Variants in PLS3 observed in about 807,000 individuals in gnomAD.
PLS3 encodes the protein plastin 3.
Under a neutral mutation model 46.5 loss-of-function variants are expected in PLS3, and 11 were observed. That is an observed-to-expected ratio of 0.24 (90% CI 0.15 to 0.39). PLS3 has a LOEUF of 0.39. Ranked by LOEUF, PLS3 falls within the 10% of genes least tolerant of loss-of-function variation. The pLI is 1.00. For missense variants in PLS3, 308 were observed against 461.8 expected (o/e 0.67, Z 3.05); for synonymous variants, 167 against 162.2 (o/e 1.03, Z -0.22).
chrX:115,644,599 A>AAAATAAATAAATAAAT (rs57763072), intron 10 of PLS3, among the ~76,000 whole-genome samples: 6 of 99,325 alleles, frequency 6.0e-5, no homozygotes, highest in African/African-American at 1.8e-4. Flanking sequence ...CTCCATCTCA[A>AAAATAAATAAATAAAT]AAATAAATAA....
At chrX:115,601,812 G>A (rs2074447317) in intron 1 of PLS3, among the ~76,000 whole-genome samples, 1 of 111,375 alleles carries the variant, frequency 9.0e-6, no homozygotes, top group Admixed American at 9.6e-5. Flanking sequence ...AGAGGAAAGT[G>A]GGAAAGTTGA....
At chrX:115,605,851 A>G (rs1209697467) in intron 1 of PLS3, among the ~76,000 whole-genome samples, 1 of 111,691 alleles carries the variant, frequency 9.0e-6, no homozygotes, top group Non-Finnish European at 1.9e-5. Context: ...TTTTTCTTCT[A>G]AAAAAATGGA....
chrX:115,645,933 C>T (rs1239907309), intron 11 of PLS3, 139 bp from the exon 12 acceptor site: 1 of 461,942 alleles, frequency 2.2e-6, no homozygotes, highest in Non-Finnish European at 3.8e-6. Context: ...GTTTTCAGCA[C>T]AGATTGATAG....
At chrX:115,620,714 T>C (rs1470499082) in intron 2 of PLS3, among the ~76,000 whole-genome samples, 3 of 86,295 alleles carry the variant, frequency 3.5e-5, no homozygotes, top group Non-Finnish European at 6.9e-5. Flanking sequence ...TTCTTTTTTT[T>C]TTTTTTTTTT....
chrX:115,646,360 A>G, intron 12 of PLS3, 42 bp from the exon 13 acceptor site: 1 of 1,186,263 alleles, frequency 8.4e-7, no homozygotes, highest in Non-Finnish European at 1.1e-6. Flanking sequence ...TGCAGATTAA[A>G]CAAATGGAAG....
At chrX:115,566,978 A>C (rs1603214682) in intron 1 of PLS3, among the ~76,000 whole-genome samples, 1 of 112,606 alleles carries the variant, frequency 8.9e-6, no homozygotes, top group Non-Finnish European at 1.9e-5. Flanking sequence ...CGCCCAGCCC[A>C]TGTGATACTT....
chrX:115,570,280 ACT>A (rs782560624), intron 1 of PLS3, among the ~76,000 whole-genome samples: 2 of 109,205 alleles, frequency 1.8e-5, no homozygotes, highest in Non-Finnish European at 3.8e-5. Context: ...AGGTTTCTTA[ACT>A]CTCTGAACCT....
At chrX:115,625,288 G>A (rs1349850786) in intron 3 of PLS3, among the ~76,000 whole-genome samples, 1 of 110,926 alleles carries the variant, frequency 9.0e-6, no homozygotes, top group Non-Finnish European at 1.9e-5. Flanking sequence ...AACAGTTTAT[G>A]TTAATTTCAG....
In PLS3 at chrX:115,649,606, T is replaced by A; in HGVS notation, c.*45T>A. 8.7e-7 allele frequency: 1 copy of A among 1,146,440 alleles called. No homozygotes were observed. Among genetic ancestry groups the A allele is most frequent in the Non-Finnish European group, 1.2e-6 (1 of 847,396 alleles). 94.5% of individuals were successfully genotyped at this position (1,146,440 alleles called of 1,213,427 possible). A position where few individuals can be genotyped will look rare whatever the true frequency, so the allele number is the denominator to read the frequency against. ...ACAGCCATGCTCCCAGGTGCATGAT[T>A]CGCAGGTCAGCTATTTCCAGGTGAA... On this transcript the variant is annotated 3_prime_UTR_variant, in exon 16 of 16. Transcript: ENST00000355899.
chrX:115,617,101 A>G (rs1471731950), intron 2 of PLS3, among the ~76,000 whole-genome samples: 2 of 111,891 alleles, frequency 1.8e-5, no homozygotes, highest in African/African-American at 6.5e-5. Context: ...TCATTTCTGT[A>G]TCTTTGGTAT....
chrX:115,637,544 A>C (rs17095495), intron 8 of PLS3, among the ~76,000 whole-genome samples: 1,926 of 111,886 alleles, frequency 0.017, 44 homozygotes, highest in African/African-American at 0.059. Flanking sequence ...CTTGCATTGA[A>C]TTGAATTTTT....
intron 1 of PLS3, among the ~76,000 whole-genome samples, chrX:115,580,334 T>C (rs1294627467): frequency 1.8e-5 from 2 of 112,636 alleles, no homozygotes; most frequent in Non-Finnish European, 1.9e-5. Flanking sequence ...TGTTTTACAT[T>C]TAGGTCTGTG....
At chrX:115,614,507 T>C (rs1187879636) in intron 2 of PLS3, 2 of 752,447 alleles carry the variant, frequency 2.7e-6, no homozygotes, top group South Asian at 6.8e-5. Context: ...CTGCCTCTTA[T>C]ATTTGCTGCA....
chrX:115,630,256 T>C (rs1556639092), intron 5 of PLS3, among the ~76,000 whole-genome samples: 3 of 111,219 alleles, frequency 2.7e-5, no homozygotes, highest in African/African-American at 9.8e-5. Flanking sequence ...TGTCTCTTTA[T>C]TCTAAAGTAC....
intron 1 of PLS3, among the ~76,000 whole-genome samples, chrX:115,599,938 C>T (rs2074427102): frequency 9.0e-6 from 1 of 110,881 alleles, no homozygotes; most frequent in African/African-American, 3.3e-5. Context: ...CTGAGAAATA[C>T]ATCTTTTTAA....
chrX:115,636,276 A>G (rs1349207024), intron 7 of PLS3, among the ~76,000 whole-genome samples: 2 of 92,792 alleles, frequency 2.2e-5, no homozygotes, highest in Admixed American at 1.4e-4. Context: ...GTGCGATCTT[A>G]GCTCACTGCA....
At chrX:115,606,269 C>G (rs935053891) in intron 1 of PLS3, among the ~76,000 whole-genome samples, 6 of 92,998 alleles carry the variant, frequency 6.5e-5, no homozygotes, top group African/African-American at 2.5e-4. Flanking sequence ...TCCAGAGTAG[C>G]TGGGATTACA....
intron 1 of PLS3, among the ~76,000 whole-genome samples, chrX:115,607,853 A>AT (rs2074509819): frequency 1.8e-5 from 2 of 111,750 alleles, no homozygotes; most frequent in African/African-American, 6.5e-5. Flanking sequence ...TGTCTGTTAC[A>AT]TTATGGTAAA....
intron 9 of PLS3, among the ~76,000 whole-genome samples, chrX:115,642,275 G>A (rs958870858): frequency 2.7e-5 from 3 of 109,625 alleles, no homozygotes; most frequent in South Asian, 7.8e-4. Context: ...CCTTCCTTTC[G>A]TCCTAACTTT....
Sources: allele counts gnomAD v4.1 joint callset (sites outside exome capture counted in the v4.1 genomes callset), GRCh38; gene constraint gnomAD v4.1.1; transcripts MANE v1.5; gene names NCBI Gene and HGNC (gene_info 2026-07-23, HGNC 2026-07-21).